Variants in PPP2R2B observed in about 807,000 individuals in gnomAD.
The protein encoded by PPP2R2B is protein phosphatase 2 regulatory subunit Bbeta.
A neutral mutation model predicts 46.0 loss-of-function variants in PPP2R2B; 5 were observed. The observed-to-expected ratio is 0.11, with a 90% confidence interval of 0.06 to 0.23. The LOEUF is 0.23. Among genes scored for constraint, PPP2R2B ranks in the 10% least tolerant of loss-of-function variants. The probability of loss-of-function intolerance (pLI) is 1.00; values close to 1 mark genes in which losing one functional copy is unlikely to be tolerated. For missense variants in PPP2R2B, 367 were observed against 575.0 expected (o/e 0.64, Z 3.70); for synonymous variants, 215 against 206.7 (o/e 1.04, Z -0.34).
chr5:146,731,942 C>G (rs2151207102), intron 2 of PPP2R2B, among the ~76,000 whole-genome samples: 1 of 151,940 alleles, frequency 6.6e-6, no homozygotes, highest in Non-Finnish European at 1.5e-5. Flanking sequence ...TCTTTTTGAC[C>G]CCAAAGTTAG....
intron 1 of PPP2R2B, among the ~76,000 whole-genome samples, chr5:146,892,589 C>T (rs1387886115): frequency 6.6e-6 from 1 of 152,196 alleles, no homozygotes; most frequent in Non-Finnish European, 1.5e-5. Flanking sequence ...CCAAGCCACG[C>T]TCCTCACTAA....
chr5:146,892,333 A>C (rs1376824756), intron 1 of PPP2R2B, among the ~76,000 whole-genome samples: 1 of 152,210 alleles, frequency 6.6e-6, no homozygotes, highest in Non-Finnish European at 1.5e-5. Context: ...AATGTAAAAT[A>C]GCGTTGAAAT....
At chr5:146,679,344 C>T (rs201157623) in intron 5 of PPP2R2B, among the ~76,000 whole-genome samples, 2 of 37,698 alleles carry the variant, frequency 5.3e-5, no homozygotes, top group African/African-American at 5.1e-4. Context: ...TAGCCATATG[C>T]AGAAAGCTGA....
At position 146,997,926 on chromosome 5, in the gene PPP2R2B, C is replaced by A. The variant is rs184253292; in HGVS notation, c.79+57739G>T. Among the ~76,000 whole-genome samples the A allele has an allele frequency of 3.3e-3, 500 of 152,138 alleles. 3 individuals are homozygous for A. Among genetic ancestry groups the A allele is most frequent in the Non-Finnish European group, 5.3e-3 (360 of 67,984 alleles). ...GACCTACTCTTTCTCTTTTTGAAAG[C>A]AATGCAAAGTTTGATTTAAATGAAA... On this transcript the variant is annotated intron_variant, in intron 1 of 8. Transcript: ENST00000336640.
Position 146,720,529 on chromosome 5 carries a change from G to T in PPP2R2B, c.71-19387C>A, listed in dbSNP as rs528076108. 1.5e-4 allele frequency among the ~76,000 whole-genome samples: 23 copies of T among 152,234 alleles called. No individual in the cohort carries two copies. The Middle Eastern group carries it at 0.01, about 68-fold the overall frequency. On this transcript the variant is annotated intron_variant, in intron 2 of 9. Coordinates refer to ENST00000394411, the MANE Select transcript of PPP2R2B (RefSeq NM_181675.4). Reference sequence around the variant, plus strand: ...TAGTTCCTTAAGATGCTGTTTCTTGGGGGGAAGATGTCGAACACTGTTGGG... The same window carrying T: ...TAGTTCCTTAAGATGCTGTTTCTTGTGGGGAAGATGTCGAACACTGTTGGG...
At chr5:146,862,859 G>GAAA (rs370025208) in intron 2 of PPP2R2B, among the ~76,000 whole-genome samples, 5 of 106,632 alleles carry the variant, frequency 4.7e-5, no homozygotes, top group East Asian at 2.6e-4. Flanking sequence ...CAAGTAATTG[G>GAAA]AAAAAAAAAA....
intron 2 of PPP2R2B, among the ~76,000 whole-genome samples, chr5:146,793,456 A>G (rs116147993): frequency 6.6e-6 from 1 of 152,224 alleles, no homozygotes; most frequent in Admixed American, 6.5e-5. Flanking sequence ...AGAATTGTAC[A>G]TAACAGTGGA....
chr5:146,954,610 C>T (rs919582055), intron 1 of PPP2R2B, among the ~76,000 whole-genome samples: 3 of 152,084 alleles, frequency 2.0e-5, no homozygotes, highest in Non-Finnish European at 4.4e-5. Context: ...TCCACCAAAA[C>T]ACTTACTCAG....
At chr5:146,631,550 G>A (rs993529061) in intron 7 of PPP2R2B, among the ~76,000 whole-genome samples, 1 of 152,114 alleles carries the variant, frequency 6.6e-6, no homozygotes, top group Non-Finnish European at 1.5e-5. Flanking sequence ...CCCACTTGAG[G>A]ATTTCACCTG....
chr5:146,871,926 G>T (rs1035894632), intron 2 of PPP2R2B, among the ~76,000 whole-genome samples: 1 of 152,176 alleles, frequency 6.6e-6, no homozygotes, highest in Non-Finnish European at 1.5e-5. Context: ...TGTTGATGGA[G>T]ATTAAATGAG....
chr5:147,055,517 G>T, intron 1 of PPP2R2B: 1 of 645,506 alleles, frequency 1.5e-6, no homozygotes, highest in Non-Finnish European at 2.7e-6. Context: ...GATTTCAGAA[G>T]CAGATCTAAG....
chr5:146,928,076 C>T (rs1174014847), intron 1 of PPP2R2B, among the ~76,000 whole-genome samples: 3 of 152,118 alleles, frequency 2.0e-5, no homozygotes, highest in Admixed American at 6.6e-5. Flanking sequence ...TATAATTCAT[C>T]GCACTATCTG....
Position 146,934,023 on chromosome 5 carries a change from A to G in PPP2R2B, c.79+121642T>C, listed in dbSNP as rs372924644. On this transcript the variant is annotated intron_variant, in intron 1 of 8. Coordinates refer to the PPP2R2B transcript ENST00000336640. ...AAAGGACATGAACTCATCGTTTTTT[A>G]TGGCTGCATAGTATTCCATGGTGTA... 3.3e-5 allele frequency among the ~76,000 whole-genome samples: 5 copies of G among 152,144 alleles called. No homozygotes were observed. The South Asian group carries it at 6.2e-4, about 19-fold the overall frequency.
intron 2 of PPP2R2B, among the ~76,000 whole-genome samples, chr5:146,759,284 A>T (rs551654371): frequency 6.6e-6 from 1 of 152,200 alleles, no homozygotes; most frequent in Non-Finnish European, 1.5e-5. Context: ...TCCTTATGTG[A>T]TCAGATGCTG....
chr5:146,722,192 A>G (rs1352763542), intron 2 of PPP2R2B, among the ~76,000 whole-genome samples: 1 of 152,170 alleles, frequency 6.6e-6, no homozygotes, highest in Non-Finnish European at 1.5e-5. Context: ...TATTTACTGA[A>G]GACCTGCTAT....
At chr5:146,976,006 T>A (rs1280277043) in intron 1 of PPP2R2B, among the ~76,000 whole-genome samples, 1 of 151,876 alleles carries the variant, frequency 6.6e-6, no homozygotes, top group Non-Finnish European at 1.5e-5. Context: ...CTTTTATTTT[T>A]GTTTCCTGTG....
chr5:146,686,071 G>A (rs1246219292), intron 5 of PPP2R2B, among the ~76,000 whole-genome samples: 1 of 152,188 alleles, frequency 6.6e-6, no homozygotes, highest in African/African-American at 2.4e-5. Context: ...TTGAATTCCA[G>A]CTCTTCCGTT....
At chr5:146,806,145 T>C (rs760819254) in intron 2 of PPP2R2B, among the ~76,000 whole-genome samples, 6 of 152,174 alleles carry the variant, frequency 3.9e-5, no homozygotes, top group Non-Finnish European at 7.3e-5. Context: ...AGGGAGACAG[T>C]GTGTGTGATG....
intron 2 of PPP2R2B, among the ~76,000 whole-genome samples, chr5:146,737,530 G>A (rs944738617): frequency 1.3e-5 from 2 of 152,200 alleles, no homozygotes; most frequent in Non-Finnish European, 2.9e-5. Context: ...TGTCAAACCT[G>A]CAGAAGAGCT....
Sources: gnomAD v4.1 joint callset for allele counts (sites outside exome capture counted in the v4.1 genomes callset) on GRCh38, gnomAD v4.1.1 for gene constraint, MANE v1.5 for transcripts, NCBI Gene and HGNC (gene_info 2026-07-23, HGNC 2026-07-21) for gene names.